Variants in SIPA1L2 observed in about 807,000 individuals in gnomAD.
SIPA1L2 encodes the protein signal-induced proliferation-associated 1-like protein 2.
SIPA1L2 carries 56 observed loss-of-function variants against 163.9 expected under a neutral mutation model. That is an observed-to-expected ratio of 0.34 (90% CI 0.28 to 0.43). The LOEUF is 0.43. Ranked by LOEUF, SIPA1L2 falls within the 20% of genes least tolerant of loss-of-function variation. The pLI, the probability that SIPA1L2 is intolerant of heterozygous loss-of-function variation, is 1.00. For synonymous variants in SIPA1L2, 877 were observed against 865.7 expected (o/e 1.01, Z -0.23); for missense variants, 1,974 against 2,193.5 (o/e 0.90, Z 2.00).
At chr1:232,484,085 A>C in intron 5 of SIPA1L2, 119 bp from the exon 6 acceptor site, 5 of 890,750 alleles carry the variant, frequency 5.6e-6, no homozygotes, top group Non-Finnish European at 3.3e-6. Context: ...AACAATTCCC[A>C]TAAGTGAATA....
At chr1:232,613,312 C>A (rs555130118) in intron 1 of SIPA1L2, among the ~76,000 whole-genome samples, 2 of 152,134 alleles carry the variant, frequency 1.3e-5, no homozygotes, top group Admixed American at 1.3e-4. Context: ...ATGTCTCTAC[C>A]CAGAAAGATG....
chr1:232,437,939 T>C (rs1298569839), intron 15 of SIPA1L2, among the ~76,000 whole-genome samples: 3 of 152,130 alleles, frequency 2.0e-5, no homozygotes, highest in Non-Finnish European at 4.4e-5. Flanking sequence ...GGAGGCAACC[T>C]GGTCCTGGGC....
At chr1:232,411,037 C>G (rs956418306) in intron 19 of SIPA1L2, among the ~76,000 whole-genome samples, 5 of 152,176 alleles carry the variant, frequency 3.3e-5, no homozygotes, top group Admixed American at 6.5e-5. Flanking sequence ...AAGAGCCCCA[C>G]AACTGGGATC....
rs544384255 is a variant in SIPA1L2 at position 232,436,416 on chromosome 1, C to T, written c.4031+2692G>A. On this transcript the variant is annotated intron_variant, in intron 15 of 22. Coordinates refer to ENST00000674635, the MANE Select transcript of SIPA1L2 (RefSeq NM_020808.5). ...GAAAATAACACACGGGTCAGGGGCA[C>T]GGAGCACTTGGAGGCAGAAGTGTGG... Among the ~76,000 whole-genome samples the T allele has an allele frequency of 1.3e-4, 20 of 152,268 alleles. No homozygotes were observed. In the East Asian group the frequency reaches 1.5e-3, roughly 12 times the overall value.
intron 1 of SIPA1L2, among the ~76,000 whole-genome samples, chr1:232,627,012 G>A (rs1196314786): frequency 1.3e-5 from 2 of 151,890 alleles, no homozygotes; most frequent in African/African-American, 4.8e-5. Context: ...CTATTCTCTA[G>A]GACTGTACTT....
chr1:232,446,931 A>C (rs1663251801), intron 10 of SIPA1L2, among the ~76,000 whole-genome samples: 2 of 152,306 alleles, frequency 1.3e-5, no homozygotes, highest in South Asian at 4.1e-4. Context: ...CATTTTCATT[A>C]ATTTGACTTT....
chr1:232,571,283 GAGA>G (rs1211719652), intron 2 of SIPA1L2, among the ~76,000 whole-genome samples: 1 of 152,148 alleles, frequency 6.6e-6, no homozygotes, highest in Admixed American at 6.6e-5. Context: ...ACCAGACAAT[GAGA>G]AGATGTCTAC....
At chr1:232,579,328 G>C (rs1450107746) in intron 1 of SIPA1L2, among the ~76,000 whole-genome samples, 1 of 152,094 alleles carries the variant, frequency 6.6e-6, no homozygotes, top group Non-Finnish European at 1.5e-5. Context: ...GTTTGTGTTT[G>C]TTTTGCAGCC....
chr1:232,470,410 T>C (rs1664743563), intron 8 of SIPA1L2, among the ~76,000 whole-genome samples: 1 of 152,148 alleles, frequency 6.6e-6, no homozygotes, highest in East Asian at 1.9e-4. Flanking sequence ...TTTCAGACTT[T>C]GTTCTAAGAT....
At chr1:232,537,267 T>C (rs2103098152) in intron 2 of SIPA1L2, among the ~76,000 whole-genome samples, 1 of 152,272 alleles carries the variant, frequency 6.6e-6, no homozygotes, top group African/African-American at 2.4e-5. Context: ...AATTACATTA[T>C]GTATTAATTT....
chr1:232,520,531 C>A (rs1302452466), intron 2 of SIPA1L2, among the ~76,000 whole-genome samples: 1 of 151,890 alleles, frequency 6.6e-6, no homozygotes, highest in Non-Finnish European at 1.5e-5. Flanking sequence ...TCTTTAAGAC[C>A]AATATTAGAG....
chr1:232,483,976 G>A lies in SIPA1L2; in HGVS notation c.1807-10C>T, dbSNP rs753383840. The A allele has an allele frequency of 1.4e-5, 23 of 1,599,078 alleles. No homozygotes were observed. The South Asian group carries it at 1.8e-4, about 13-fold the overall frequency. ...TGTGCTGAAAGCTCAGCTGAAATGGGGGAGAAATATAATTACTTGGCAAAG... is the reference window on the plus strand; with the variant it reads ...TGTGCTGAAAGCTCAGCTGAAATGGAGGAGAAATATAATTACTTGGCAAAG... On this transcript the variant is annotated splice_polypyrimidine_tract_variant and intron_variant, in intron 5 of 22. Transcript: ENST00000674635.
chr1:232,456,446 G>C (rs1231379082), intron 10 of SIPA1L2, among the ~76,000 whole-genome samples: 1 of 151,886 alleles, frequency 6.6e-6, no homozygotes, highest in Non-Finnish European at 1.5e-5. Context: ...CCACTGTTTT[G>C]CATTATATAG....
intron 1 of SIPA1L2, among the ~76,000 whole-genome samples, chr1:232,619,006 C>T (rs1442048903): frequency 1.3e-5 from 2 of 152,190 alleles, no homozygotes; most frequent in African/African-American, 4.8e-5. Flanking sequence ...CGTCACTTCT[C>T]CTTAATGTTG....
intron 18 of SIPA1L2, among the ~76,000 whole-genome samples, chr1:232,419,460 G>C (rs1026646153): frequency 6.6e-6 from 1 of 152,176 alleles, no homozygotes; most frequent in African/African-American, 2.4e-5. Context: ...AGTGTTGAAG[G>C]TAGGGCCTCG....
chr1:232,609,028 T>TA (rs1213688295), intron 1 of SIPA1L2, among the ~76,000 whole-genome samples: 2 of 151,992 alleles, frequency 1.3e-5, no homozygotes, highest in African/African-American at 4.8e-5. Context: ...TCTTTTCTAA[T>TA]AGTTTGTTTT....
intron 19 of SIPA1L2, among the ~76,000 whole-genome samples, chr1:232,414,369 G>A (rs545123050): frequency 5.9e-5 from 9 of 152,228 alleles, no homozygotes; most frequent in African/African-American, 1.2e-4. Context: ...AACGCATTAC[G>A]CTAGTCACAG....
intron 1 of SIPA1L2, among the ~76,000 whole-genome samples, chr1:232,576,997 T>G (rs928459132): frequency 6.6e-6 from 1 of 152,200 alleles, no homozygotes; most frequent in African/African-American, 2.4e-5. Flanking sequence ...AAATGTTCTA[T>G]GTAAATCAAA....
intron 16 of SIPA1L2, 31 bp from the exon 17 acceptor site, chr1:232,428,595 C>G: frequency 6.8e-7 from 1 of 1,468,818 alleles, no homozygotes; most frequent in African/African-American, 1.4e-5. Context: ...GGAAATTAAG[C>G]CTATTTGTAA....
Sources: gnomAD v4.1 joint callset for allele counts (sites outside exome capture counted in the v4.1 genomes callset) on GRCh38, gnomAD v4.1.1 for gene constraint, MANE v1.5 for transcripts, NCBI Gene and HGNC (gene_info 2026-07-23, HGNC 2026-07-21) for gene names.